The following OTUD7B variants were observed in gnomAD, a reference collection of about 807,000 sequenced individuals.
OTUD7B encodes OTU domain-containing protein 7B.
A neutral mutation model predicts 82.2 loss-of-function variants in OTUD7B; 34 were observed. The ratio of observed to expected loss-of-function variants is 0.41; its 90% CI spans 0.31 to 0.55. OTUD7B has a LOEUF of 0.55. OTUD7B is among the 20% of genes least tolerant of loss of function. The pLI, the probability that OTUD7B is intolerant of heterozygous loss-of-function variation, is 0.20. For missense variants in OTUD7B, 944 were observed against 1,062.1 expected (o/e 0.89, Z 1.55); for synonymous variants, 398 against 402.7 (o/e 0.99, Z 0.14).
At chr1:150,061,186 A>T in the OTUD7B span, among the ~76,000 whole-genome samples, 1 of 152,194 alleles carries the variant, frequency 6.6e-6, no homozygotes, top group East Asian at 1.9e-4. Context: ...CACTGTGCCC[A>T]GCCACATGTA....
chr1:149,962,808 A>T (rs1258247419), intron 6 of OTUD7B: 1 of 152,212 alleles, frequency 6.6e-6, no homozygotes, highest in Non-Finnish European at 1.5e-5. Flanking sequence ...CTCAACAGTG[A>T]AGAGGACAAA....
At chr1:150,010,427 C>G (rs1652964704) in intron 1 of OTUD7B, 21 bp downstream of exon 1, 1 of 152,506 alleles carries the variant, frequency 6.6e-6, no homozygotes, top group South Asian at 2.1e-4. Context: ...GGGACGGTGT[C>G]AGGACGGGGG....
At chr1:150,033,924 G>A in the OTUD7B span, among the ~76,000 whole-genome samples, 2 of 152,234 alleles carry the variant, frequency 1.3e-5, no homozygotes, top group African/African-American at 4.8e-5. Context: ...GTTTCACCAT[G>A]TTGGCCAGGA....
chr1:150,024,062 G>A, the OTUD7B span, among the ~76,000 whole-genome samples: 1 of 152,122 alleles, frequency 6.6e-6, no homozygotes, highest in Non-Finnish European at 1.5e-5. Context: ...AAGGACATGA[G>A]AGACAATTAT....
At chr1:149,986,540 C>T (rs1651155759) in intron 1 of OTUD7B, among the ~76,000 whole-genome samples, 1 of 152,238 alleles carries the variant, frequency 6.6e-6, no homozygotes, top group Admixed American at 6.5e-5. Flanking sequence ...CGTACATTCT[C>T]TCATTTACAA....
At chr1:150,014,056 A>ATG (rs1487824605), upstream of OTUD7B, among the ~76,000 whole-genome samples, 11 of 77,342 alleles carry the variant, frequency 1.4e-4, no homozygotes, top group African/African-American at 2.9e-4. Context: ...GTGTGTATAT[A>ATG]TATGTGTGTG....
chr1:150,058,496 A>G, the OTUD7B span, among the ~76,000 whole-genome samples: 1 of 152,204 alleles, frequency 6.6e-6, no homozygotes, highest in Non-Finnish European at 1.5e-5. Flanking sequence ...CCTGGGTGAC[A>G]GGCTGTTTAT....
intron 3 of OTUD7B, among the ~76,000 whole-genome samples, chr1:149,968,986 G>T (rs1283637600): frequency 6.6e-6 from 1 of 152,040 alleles, no homozygotes; most frequent in Non-Finnish European, 1.5e-5. Context: ...CAAAGTGCTG[G>T]GATTACAGGC....
In OTUD7B at chr1:149,971,206, A is replaced by G; in HGVS notation, c.131T>C (p.Leu44Pro). ...TAGGTTTCCAGCATGGACTTGACGT[A>G]GCTGTTCAAAATCACTGAGGGCGGC... ...VNAALSDFEQLRQVHAGNLPP... is the reference protein window; with the variant it reads ...VNAALSDFEQPRQVHAGNLPP... The change falls in exon 3 of 12, where the codon CTA becomes CCA. Residue 44 changes from leucine to proline, a missense_variant. Transcript: ENST00000581312. 3.1e-6 allele frequency: 5 copies of G among 1,613,216 alleles called. No homozygotes were observed. The highest frequency in any genetic ancestry group is 4.2e-6 in the Non-Finnish European group (5 of 1,179,280).
At chr1:150,043,054 TCAAAG>T in the OTUD7B span, among the ~76,000 whole-genome samples, 1 of 152,152 alleles carries the variant, frequency 6.6e-6, no homozygotes, top group Admixed American at 6.5e-5. Context: ...ACAATGATTC[TCAAAG>T]CAAAGTCCAG....
chr1:150,045,023 T>C, the OTUD7B span, among the ~76,000 whole-genome samples: 1 of 151,918 alleles, frequency 6.6e-6, no homozygotes, highest in African/African-American at 2.4e-5. Context: ...TTAGTAATAA[T>C]ACCAATAATT....
the OTUD7B span, among the ~76,000 whole-genome samples, chr1:150,035,573 T>C: frequency 6.6e-6 from 1 of 152,196 alleles, no homozygotes; most frequent in Non-Finnish European, 1.5e-5. Flanking sequence ...AGGGTTACCA[T>C]ATGTATATGT....
upstream of OTUD7B, among the ~76,000 whole-genome samples, chr1:150,010,894 C>G (rs368296567): frequency 2.3e-4 from 35 of 152,290 alleles, no homozygotes; most frequent in East Asian, 1.7e-3. Context: ...GCGCGTGACC[C>G]CGTGTTTTCC....
At chr1:150,025,432 AACACAC>A in the OTUD7B span, among the ~76,000 whole-genome samples, 3,798 of 146,978 alleles carry the variant, frequency 0.026, 125 homozygotes, top group African/African-American at 0.083. Context: ...AAGCAAACAA[AACACAC>A]ACACACACAC....
chr1:149,981,846 A>G (rs1650754260), intron 1 of OTUD7B, among the ~76,000 whole-genome samples: 1 of 152,200 alleles, frequency 6.6e-6, no homozygotes, highest in Non-Finnish European at 1.5e-5. Flanking sequence ...TTAGTTAAGC[A>G]CTTCTAAAAA....
chr1:149,990,663 C>G (rs1422318846), intron 1 of OTUD7B, among the ~76,000 whole-genome samples: 1 of 151,956 alleles, frequency 6.6e-6, no homozygotes, highest in African/African-American at 2.4e-5. Flanking sequence ...GTTTTTAATC[C>G]CATCTATTCT....
intron 7 of OTUD7B, among the ~76,000 whole-genome samples, chr1:149,956,654 G>A (rs587623437): frequency 7.2e-5 from 11 of 152,200 alleles, no homozygotes; most frequent in Non-Finnish European, 5.9e-5. Context: ...CATTCTCCCC[G>A]TCACTTTCAG....
chr1:149,944,151 G>T lies in OTUD7B; in HGVS notation c.2238C>A (p.Ile746=), dbSNP rs782555241. Reference sequence around the variant, plus strand: ...AGTGGCTGCCTGGCTCCAGAGAAGGGATGCTGTCCTGGTGGGGGTAGGGTC... The same window carrying T: ...AGTGGCTGCCTGGCTCCAGAGAAGGTATGCTGTCCTGGTGGGGGTAGGGTC... The part of the protein sequence containing the change: ...PGRPYPHQDS[I]PSLEPGSHSK... The change falls in exon 12 of 12, where the codon ATC becomes ATA. Residue 746 remains isoleucine (I), a synonymous_variant. Transcript: ENST00000581312. 29 of 1,613,944 alleles carry T rather than the reference G, an allele frequency of 1.8e-5. No individual in the cohort carries two copies. Among genetic ancestry groups the T allele is most frequent in the Non-Finnish European group, 1.5e-5 (18 of 1,179,958 alleles).
chr1:150,057,660 T>G, the OTUD7B span, among the ~76,000 whole-genome samples: 2 of 152,232 alleles, frequency 1.3e-5, no homozygotes, highest in African/African-American at 4.8e-5. Flanking sequence ...GTCTTTTCTC[T>G]TAGAGGTGTT....
Sources: allele counts gnomAD v4.1 joint callset (sites outside exome capture counted in the v4.1 genomes callset), GRCh38; gene constraint gnomAD v4.1.1; transcripts MANE v1.5; gene names NCBI Gene and HGNC (gene_info 2026-07-23, HGNC 2026-07-21).